UBR1: variants seen among roughly 807,000 people sequenced by gnomAD.
UBR1 encodes the protein E3 ubiquitin-protein ligase UBR1.
A neutral mutation model predicts 242.1 loss-of-function variants in UBR1; 102 were observed. The ratio of observed to expected loss-of-function variants is 0.42; its 90% CI spans 0.36 to 0.50. UBR1 has a LOEUF of 0.50. Ranked by LOEUF, UBR1 falls within the 20% of genes least tolerant of loss-of-function variation. The pLI, the probability that UBR1 is intolerant of heterozygous loss-of-function variation, is 0.01. For synonymous variants in UBR1, 675 were observed against 684.8 expected, an observed-to-expected ratio of 0.99 and a Z score of 0.22; for missense variants, 1,772 against 2,101.8, an observed-to-expected ratio of 0.84 and a Z score of 3.07.
intron 12 of UBR1, among the ~76,000 whole-genome samples, chr15:43,051,747 G>A (rs574016453): frequency 6.6e-6 from 1 of 152,168 alleles, no homozygotes; most frequent in East Asian, 1.9e-4. Context: ...GTAAGGGATT[G>A]GAACAAACAA....
At chr15:42,950,235 C>G in intron 46 of UBR1, 27 bp downstream of exon 46, 1 of 1,575,846 alleles carries the variant, frequency 6.3e-7, no homozygotes, top group Non-Finnish European at 8.7e-7. Context: ...TTACTGAAAC[C>G]TTCCTATTAT....
chr15:42,980,408 A>T (rs1667540993), intron 37 of UBR1, among the ~76,000 whole-genome samples: 1 of 152,204 alleles, frequency 6.6e-6, no homozygotes, highest in African/African-American at 2.4e-5. Context: ...TTTAAATATT[A>T]GTTCTACTTC....
At chr15:43,071,582 C>CTA (rs2033826115) in intron 4 of UBR1, among the ~76,000 whole-genome samples, 2 of 152,034 alleles carry the variant, frequency 1.3e-5, no homozygotes, top group South Asian at 4.2e-4. Flanking sequence ...CACTACTGAA[C>CTA]TATATTCTTA....
chr15:43,003,930 T>G lies in UBR1; in HGVS notation c.3416A>C (p.Glu1139Ala), dbSNP rs1182077139. 6.2e-7 allele frequency: 1 copy of G among 1,613,842 alleles called. No individual in the cohort carries two copies. Among genetic ancestry groups the G allele is most frequent in the Non-Finnish European group, 8.5e-7 (1 of 1,179,884 alleles). ...ATCCATGAAAAGTGGGTCTAGGGCTTCTGGTACAAGGTATAAAAAGGAGGG... is the reference window on the plus strand; with the variant it reads ...ATCCATGAAAAGTGGGTCTAGGGCTGCTGGTACAAGGTATAAAAAGGAGGG... ...HRGKPIELSG[E>A]ALDPLFMDPD... Residue 1139 changes from glutamate to alanine, a missense_variant and splice_region_variant, in exon 31 of 47, where the codon GAA becomes GCA. Transcript: ENST00000290650.
chr15:43,010,163 C>T (rs985529875), intron 29 of UBR1, among the ~76,000 whole-genome samples: 7 of 152,168 alleles, frequency 4.6e-5, no homozygotes, highest in Admixed American at 2.6e-4. Context: ...TAAGCCACTG[C>T]GCCCGCCCTA....
chr15:42,964,178 A>C, intron 41 of UBR1, 135 bp from the exon 42 acceptor site: 6 of 703,694 alleles, frequency 8.5e-6, no homozygotes, highest in Non-Finnish European at 1.5e-5. Context: ...CTATAAAACC[A>C]TGGGTGGCAG....
chr15:43,004,772 C>T (rs542012879), intron 30 of UBR1, among the ~76,000 whole-genome samples: 10 of 152,288 alleles, frequency 6.6e-5, no homozygotes, highest in Admixed American at 2.0e-4. Context: ...CCCAAAGTGC[C>T]GAGATTGCAG....
intron 39 of UBR1, among the ~76,000 whole-genome samples, chr15:42,972,072 A>G (rs557364682): frequency 3.9e-5 from 6 of 152,206 alleles, no homozygotes; most frequent in Non-Finnish European, 7.3e-5. Context: ...TGGTGTTTAC[A>G]TTCTATGAGT....
At chr15:43,068,424 C>A (rs2033782864) in intron 5 of UBR1, among the ~76,000 whole-genome samples, 1 of 151,948 alleles carries the variant, frequency 6.6e-6, no homozygotes, top group Admixed American at 6.6e-5. Flanking sequence ...TGAGCTCAAG[C>A]AATCCGCCTG....
In UBR1 at chr15:43,056,385, T is replaced by C; in HGVS notation, c.1240A>G (p.Ile414Val). 2 of 1,612,780 alleles carry C rather than the reference T, an allele frequency of 1.2e-6. No individual in the cohort carries two copies. The highest frequency in any genetic ancestry group is 2.2e-5 in the East Asian group (1 of 44,804). Residue 414 changes from isoleucine to valine, a missense_variant, in exon 11 of 47, where the codon ATA becomes GTA. Transcript: ENST00000290650. ...ISDDHDRSIS[I>V]TALSVQMFTV... ...AACATCTGAACTGAAAGTGCAGTTA[T>C]AGAGATACTTCTGTCATGATCATCA...
intron 42 of UBR1, among the ~76,000 whole-genome samples, chr15:42,961,921 ATTT>A (rs57244897): frequency 7.5e-6 from 1 of 133,464 alleles, no homozygotes; most frequent in Non-Finnish European, 1.6e-5. Context: ...TGCCCAGCTA[ATTT>A]TTTTTTTTTT....
Position 43,082,706 on chromosome 15 carries a change from T to C in UBR1, c.349A>G (p.Ile117Val), listed in dbSNP as rs140294470. 15 of 1,613,644 alleles carry C rather than the reference T, an allele frequency of 9.3e-6. No individual in the cohort carries two copies. The highest frequency in any genetic ancestry group is 2.2e-5 in the South Asian group (2 of 91,084). Residue 117 changes from isoleucine (I) to valine (V), a missense_variant, in exon 3 of 47, where the codon ATT (isoleucine) becomes GTT (valine). Physicochemically the swap from Ile to Val is conservative, Grantham distance 29 (BLOSUM62 3). Around this residue, in one of 3 missense-constraint regions of UBR1, gnomAD observed 734 missense variants for 893.3 expected, o/e 0.82. Transcript: ENST00000290650. Reference sequence around the variant, plus strand: ...ATACAGAGTACACATGTTGGATCAATTGCACAATCCCTGAAAAAGATCAGA... The same window carrying C: ...ATACAGAGTACACATGTTGGATCAACTGCACAATCCCTGAAAAAGATCAGA... ...ETTYSCRDCA[I>V]DPTCVLCMDC...
chr15:43,002,524 A>G, intron 32 of UBR1, 31 bp downstream of exon 32: 3 of 1,607,728 alleles, frequency 1.9e-6, no homozygotes, highest in Non-Finnish European at 2.5e-6. Flanking sequence ...CAACTTTTAA[A>G]AAATTAACCA....
At position 43,024,979 on chromosome 15, in the gene UBR1, C is replaced by G. The variant is rs1339644826; in HGVS notation, c.2589G>C (p.Leu863Phe). 1 of 1,613,928 alleles carries G rather than the reference C, an allele frequency of 6.2e-7. No homozygotes were observed. The highest frequency in any genetic ancestry group is 8.5e-7 in the Non-Finnish European group (1 of 1,180,008). ...RRKQENKDEA[L>F]PPPPPPEFCP... ...AGAATTCAGGAGGTGGTGGTGGCGG[C>G]AATGCTATAGGAGGTGGGGAATGGA... Residue 863 changes from leucine to phenylalanine, a missense_variant, in exon 25 of 47, where the codon TTG (leucine) becomes TTC (phenylalanine). This residue lies in a region of UBR1 where 965 missense variants were observed against 1,079.7 expected (regional missense o/e 0.89). Coordinates refer to ENST00000290650, the MANE Select transcript of UBR1 (RefSeq NM_174916.3).
chr15:43,053,899 T>C (rs542840103), intron 12 of UBR1, among the ~76,000 whole-genome samples: 1 of 151,472 alleles, frequency 6.6e-6, no homozygotes, highest in Non-Finnish European at 1.5e-5. Flanking sequence ...CAATCTTTGC[T>C]CACTACAACC....
At chr15:43,051,711 T>C (rs369900051) in intron 12 of UBR1, among the ~76,000 whole-genome samples, 2 of 152,152 alleles carry the variant, frequency 1.3e-5, no homozygotes, top group East Asian at 3.9e-4. Flanking sequence ...GCAACCTCTA[T>C]AGATGACTTA....
chr15:43,025,366 A>G lies in UBR1; in HGVS notation c.2584+15T>C. On this transcript the variant is annotated intron_variant, in intron 24 of 46. Coordinates refer to ENST00000290650, the MANE Select transcript of UBR1 (RefSeq NM_174916.3). ...AAATAGTCAAAATGAGTCAATTCAG[A>G]ATCTCACTTTTTACCTTCATCTTTG... is the stretch of plus-strand genomic sequence containing the variant. 1 of 1,604,082 alleles carries G rather than the reference A, an allele frequency of 6.2e-7. No individual in the cohort carries two copies. Among genetic ancestry groups the G allele is most frequent in the Non-Finnish European group, 8.5e-7 (1 of 1,173,120 alleles).
intron 43 of UBR1, among the ~76,000 whole-genome samples, chr15:42,959,270 T>C (rs571567679): frequency 6.6e-6 from 1 of 152,012 alleles, no homozygotes; most frequent in South Asian, 2.1e-4. Context: ...TTGCCCAGGC[T>C]GGCCTTGAAC....
intron 39 of UBR1, among the ~76,000 whole-genome samples, chr15:42,971,852 T>A (rs1263197827): frequency 6.6e-6 from 1 of 152,220 alleles, no homozygotes; most frequent in East Asian, 1.9e-4. Flanking sequence ...TTTTATTTTT[T>A]AATTAATACA....
Sources: gnomAD v4.1 joint callset for allele counts (sites outside exome capture counted in the v4.1 genomes callset) on GRCh38, gnomAD v4.1.1 for gene constraint, gnomAD v4.1.1 regional missense constraint, MANE v1.5 for transcripts, NCBI Gene and HGNC (gene_info 2026-07-23, HGNC 2026-07-21) for gene names.